The following ADM5 variants were observed in gnomAD, a reference collection of about 807,000 sequenced individuals.
ADM5 encodes the protein putative adrenomedullin-5-like protein.
A neutral mutation model predicts 2.9 loss-of-function variants in ADM5; 1 was observed. That is an observed-to-expected ratio of 0.35 (90% CI 0.12 to 1.65). The LOEUF is 1.65. Ranked by LOEUF, ADM5 falls within the 40% of genes most tolerant of loss-of-function variation. The probability of loss-of-function intolerance (pLI) is 0.36; values close to 1 mark genes in which losing one functional copy is unlikely to be tolerated. For synonymous variants in ADM5, 90 were observed against 91.1 expected, an observed-to-expected ratio of 0.99 and a Z score of 0.07; for missense variants, 192 against 205.2, an observed-to-expected ratio of 0.94 and a Z score of 0.39.
At position 49,690,214 on chromosome 19, in the gene ADM5, A is replaced by G. The variant is rs2082300245; in HGVS notation, c.183A>G (p.Gln61=). The change falls in exon 2 of 2, where the codon CAA becomes CAG. Residue 61 remains glutamine, a synonymous_variant. Transcript: ENST00000420022. This position sits in a 1 kb window ranked among gnomAD's most constrained non-coding sequence, Gnocchi z 4.4. Reference sequence around the variant, plus strand: ...TATACTGGATTCGCTGTCTCCACCAAGGAGCCCTCGGGGAAGGCCAGCCAC... The same window carrying G: ...TATACTGGATTCGCTGTCTCCACCAGGGAGCCCTCGGGGAAGGCCAGCCAC... The part of the protein sequence containing the change: ...EIIYWIRCLH[Q]GALGEGQPRA... The G allele has an allele frequency of 6.4e-7, 1 of 1,557,376 alleles. No individual in the cohort carries two copies. Among genetic ancestry groups the G allele is most frequent in the African/African-American group, 1.4e-5 (1 of 73,364 alleles).
Position 49,690,386 on chromosome 19 carries a change from G to A in ADM5, c.355G>A (p.Gly119Ser), listed in dbSNP as rs1203802675. 4 of 1,551,404 alleles carry A rather than the reference G, an allele frequency of 2.6e-6. No homozygotes were observed. In the South Asian group the frequency reaches 4.8e-5, roughly 18 times the overall value. Reference protein sequence around the residue: ...VTSGTARPLLGFSLPICMLEL... With the variant: ...VTSGTARPLLSFSLPICMLEL... ...CTCGGGCACGGCTCGTCCCCTCCTC[G>A]GCTTCAGTTTGCCTATCTGTATGTT... Residue 119 changes from glycine (G) to serine (S), a missense_variant, in exon 2 of 2, where the codon GGC becomes AGC. By Grantham distance (56) the Gly-to-Ser change is moderately conservative. Transcript: ENST00000420022. This position sits in a 1 kb window ranked among gnomAD's most constrained non-coding sequence, Gnocchi z 4.4.
At position 49,690,485 on chromosome 19, in the gene ADM5, T is replaced by C; in HGVS notation, c.454T>C (p.Cys152Arg). Reference sequence around the variant, plus strand: ...CGTCTTCCCCAGTCCCTCCCCGGGCTGCGACTAGGTTGGACCTAGAAGCAC... The same window carrying C: ...CGTCTTCCCCAGTCCCTCCCCGGGCCGCGACTAGGTTGGACCTAGAAGCAC... Reference protein sequence around the residue: ...ETVFPSPSPGCD With the variant: ...ETVFPSPSPGRD The change falls in exon 2 of 2, where the codon TGC becomes CGC. Residue 152 changes from cysteine to arginine, a missense_variant. Coordinates refer to ENST00000420022, the MANE Select transcript of ADM5 (RefSeq NM_001101340.2). This position sits in a 1 kb window ranked among gnomAD's most constrained non-coding sequence, Gnocchi z 4.4. The C allele has an allele frequency of 6.6e-7, 1 of 1,508,782 alleles. No individual in the cohort carries two copies. The highest frequency in any genetic ancestry group is 1.3e-5 in the South Asian group (1 of 78,626). 93.5% of individuals were successfully genotyped at this position (1,508,782 alleles called of 1,614,324 possible). A position where few individuals can be genotyped will look rare whatever the true frequency, so the allele number is the denominator to read the frequency against.
At chr19:49,689,956 G>A (rs1030724599) in intron 1 of ADM5, 45 bp downstream of exon 1, 3 of 1,613,290 alleles carry the variant, frequency 1.9e-6, no homozygotes, top group South Asian at 1.1e-5. Flanking sequence ...GAGGGAGACC[G>A]TAAAGGGCGA....
At position 49,689,718 on chromosome 19, in the gene ADM5, A is replaced by G; in HGVS notation, c.-120A>G. On this transcript the variant is annotated 5_prime_UTR_variant, in exon 1 of 2. Transcript: ENST00000420022. ...TGGCCTCAGTGTTCCCCGCCTGGGA[A>G]GTGGGGACTGGCCCTGGTACCTGGC... 2 of 1,255,318 alleles carry G rather than the reference A, an allele frequency of 1.6e-6. No individual in the cohort carries two copies. Among genetic ancestry groups the G allele is most frequent in the Non-Finnish European group, 2.3e-6 (2 of 870,478 alleles). The allele number at this position is 1,255,318 out of a possible 1,614,324, so 77.8% of individuals were successfully genotyped here. A position where few individuals can be genotyped will look rare whatever the true frequency, so the allele number is the denominator to read the frequency against.
At position 49,690,164 on chromosome 19, in the gene ADM5, C is replaced by T. The variant is rs1288730088; in HGVS notation, c.133C>T (p.Arg45Trp). Residue 45 changes from arginine (R) to tryptophan (W), a missense_variant, in exon 2 of 2, where the codon CGG becomes TGG. Coordinates refer to ENST00000420022, the MANE Select transcript of ADM5 (RefSeq NM_001101340.2). The surrounding 1 kb of genome is among the most constrained non-coding windows in gnomAD (Gnocchi z 4.4). The part of the protein sequence containing the change: ...RGHVCYLGVC[R>W]THRLAEIIYW... ...GCACGTCTGCTACCTGGGCGTATGC[C>T]GGACCCACCGCCTGGCGGAGATCAT... 6.4e-7 allele frequency: 1 copy of T among 1,569,426 alleles called. No homozygotes were observed. Among genetic ancestry groups the T allele is most frequent in the East Asian group, 2.4e-5 (1 of 42,034 alleles).
Position 49,689,787 on chromosome 19 carries a change from G to C in ADM5, c.-51G>C. 1 of 1,609,158 alleles carries C rather than the reference G, an allele frequency of 6.2e-7. No individual in the cohort carries two copies. The highest frequency in any genetic ancestry group is 2.2e-5 in the East Asian group (1 of 44,856). On this transcript the variant is annotated 5_prime_UTR_variant, in exon 1 of 2. Transcript: ENST00000420022. ...GGCGATCAGCCCGGTGCGGGAACGG[G>C]GCGGGGTGGCCGCAACTACGGGCCA... is the stretch of plus-strand genomic sequence containing the variant.
Position 49,690,471 on chromosome 19 carries a change from G to C in ADM5, c.440G>C (p.Ser147Thr). ...CCAGCCCCTGAAACCGTCTTCCCCA[G>C]TCCCTCCCCGGGCTGCGACTAGGTT... ...LTPAPETVFP[S>T]PSPGCD The change falls in exon 2 of 2, where the codon AGT (serine) becomes ACT (threonine). Residue 147 changes from serine to threonine, a missense_variant. Ser to Thr is a moderately conservative substitution (Grantham distance 58). Coordinates refer to ENST00000420022, the MANE Select transcript of ADM5 (RefSeq NM_001101340.2). This position sits in a 1 kb window ranked among gnomAD's most constrained non-coding sequence, Gnocchi z 4.4. 1 of 1,521,406 alleles carries C rather than the reference G, an allele frequency of 6.6e-7. No homozygotes were observed. Among genetic ancestry groups the C allele is most frequent in the South Asian group, 1.2e-5 (1 of 80,840 alleles). 94.2% of individuals were successfully genotyped at this position (1,521,406 alleles called of 1,614,324 possible).
In ADM5 at chr19:49,689,956, G is replaced by T. The variant is rs1030724599; in HGVS notation, c.74+45G>T. On this transcript the variant is annotated intron_variant, in intron 1 of 1. Transcript: ENST00000420022. The stretch of plus-strand genomic sequence containing the variant: ...GCAGGGACAGGGCGGGAGGGAGACC[G>T]TAAAGGGCGAGCGCCCTCTCCCGGC... 7.4e-6 allele frequency: 12 copies of T among 1,613,172 alleles called. No homozygotes were observed. The African/African-American group carries it at 1.2e-4, about 16-fold the overall frequency.
Position 49,690,124 on chromosome 19 carries a change from C to G in ADM5, c.93C>G (p.Val31=). 1 of 1,560,696 alleles carries G rather than the reference C, an allele frequency of 6.4e-7. No individual in the cohort carries two copies. The highest frequency in any genetic ancestry group is 1.2e-5 in the South Asian group (1 of 84,984). Residue 31 remains valine (V), a synonymous_variant, in exon 2 of 2, where the codon GTC becomes GTG. Transcript: ENST00000420022. The surrounding 1 kb of genome is among the most constrained non-coding windows in gnomAD (Gnocchi z 4.4). ...TCTCCAGGCGAGGCCAGCACCAGGTCCCCCAGCACCGCGGGCACGTCTGCT... is the reference window on the plus strand; with the variant it reads ...TCTCCAGGCGAGGCCAGCACCAGGTGCCCCAGCACCGCGGGCACGTCTGCT... The part of the protein sequence containing the change: ...DTAARRGQHQ[V]PQHRGHVCYL...
rs1294095267 is a variant in ADM5 at position 49,690,271 on chromosome 19, G to A, written c.240G>A (p.Pro80=). The A allele has an allele frequency of 6.4e-7, 1 of 1,551,562 alleles. No homozygotes were observed. The highest frequency in any genetic ancestry group is 8.7e-7 in the Non-Finnish European group (1 of 1,146,904). The change falls in exon 2 of 2, where the codon CCG becomes CCA. Residue 80 remains proline (P), a synonymous_variant. Coordinates refer to ENST00000420022, the MANE Select transcript of ADM5 (RefSeq NM_001101340.2). This position sits in a 1 kb window ranked among gnomAD's most constrained non-coding sequence, Gnocchi z 4.4. ...RAPGPLQLWA[P]PVARGGSPAR... Reference sequence around the variant, plus strand: ...CAGGACCCCTACAGCTATGGGCGCCGCCGGTGGCGCGAGGCGGAAGCCCGG... The same window carrying A: ...CAGGACCCCTACAGCTATGGGCGCCACCGGTGGCGCGAGGCGGAAGCCCGG...
rs1300321678 is a variant in ADM5, at chr19:49,689,712, C to T, written c.-126C>T. On this transcript the variant is annotated 5_prime_UTR_variant, in exon 1 of 2. Coordinates refer to ENST00000420022, the MANE Select transcript of ADM5 (RefSeq NM_001101340.2). ...GACTTTTGGCCTCAGTGTTCCCCGCCTGGGAAGTGGGGACTGGCCCTGGTA... is the reference window on the plus strand; with the variant it reads ...GACTTTTGGCCTCAGTGTTCCCCGCTTGGGAAGTGGGGACTGGCCCTGGTA... 2 of 1,227,266 alleles carry T rather than the reference C, an allele frequency of 1.6e-6. No homozygotes were observed. Among genetic ancestry groups the T allele is most frequent in the Non-Finnish European group, 2.4e-6 (2 of 849,036 alleles). 76.0% of individuals were successfully genotyped at this position (1,227,266 alleles called of 1,614,324 possible).
intron 1 of ADM5, 51 bp downstream of exon 1, chr19:49,689,962 G>C: frequency 6.2e-7 from 1 of 1,612,756 alleles, no homozygotes; most frequent in Non-Finnish European, 8.5e-7. Flanking sequence ...GACCGTAAAG[G>C]GCGAGCGCCC....
rs1347062375 is a variant in ADM5 at position 49,690,468 on chromosome 19, C to A, written c.437C>A (p.Pro146His). The change falls in exon 2 of 2, where the codon CCC (proline) becomes CAC (histidine). Residue 146 changes from proline to histidine, a missense_variant. By Grantham distance (77) the Pro-to-His change is moderately conservative. Transcript: ENST00000420022. The surrounding 1 kb of genome is among the most constrained non-coding windows in gnomAD (Gnocchi z 4.4). ...ACTCCAGCCCCTGAAACCGTCTTCCCCAGTCCCTCCCCGGGCTGCGACTAG... is the reference window on the plus strand; with the variant it reads ...ACTCCAGCCCCTGAAACCGTCTTCCACAGTCCCTCCCCGGGCTGCGACTAG... ...PLTPAPETVF[P>H]SPSPGCD The A allele has an allele frequency of 2.6e-6, 4 of 1,523,980 alleles. No individual in the cohort carries two copies. In the South Asian group the frequency reaches 3.7e-5, roughly 14 times the overall value. 94.4% of individuals were successfully genotyped at this position (1,523,980 alleles called of 1,614,324 possible). A position where few individuals can be genotyped will look rare whatever the true frequency, so the allele number is the denominator to read the frequency against.
Position 49,690,234 on chromosome 19 carries a change from AG to A in ADM5, c.204del (p.Gln68HisfsTer34). On this transcript the variant is annotated frameshift_variant, in exon 2 of 2. Transcript: ENST00000420022. LOFTEE classifies it low-confidence loss of function (END_TRUNC). This position sits in a 1 kb window ranked among gnomAD's most constrained non-coding sequence, Gnocchi z 4.4. ...CACCAAGGAGCCCTCGGGGAAGGCC[AG>A]CCACGAGCCCCAGGACCCCTACAGC... ...CLHQGALGEGQPRAPGPLQLW... is the reference protein window; with the variant it reads ...CLHQGALGEGXPRAPGPLQLW... The A allele has an allele frequency of 6.4e-7, 1 of 1,553,046 alleles. No individual in the cohort carries two copies. The highest frequency in any genetic ancestry group is 8.7e-7 in the Non-Finnish European group (1 of 1,147,904).
At chr19:49,689,990 G>C (rs1202587004) in intron 1 of ADM5, 79 bp downstream of exon 1, 7 of 1,609,768 alleles carry the variant, frequency 4.3e-6, no homozygotes, top group East Asian at 4.5e-5. Flanking sequence ...GCCGCGGAAC[G>C]GGCAGGTGAT....
Position 49,690,501 on chromosome 19 carries a change from C to A in ADM5, c.*8C>A, listed in dbSNP as rs1446924212. The A allele has an allele frequency of 1.3e-6, 2 of 1,492,526 alleles. No homozygotes were observed. The highest frequency in any genetic ancestry group is 2.2e-5 in the Admixed American group (1 of 44,914). 92.5% of individuals were successfully genotyped at this position (1,492,526 alleles called of 1,614,324 possible). On this transcript the variant is annotated 3_prime_UTR_variant, in exon 2 of 2. Coordinates refer to ENST00000420022, the MANE Select transcript of ADM5 (RefSeq NM_001101340.2). This position sits in a 1 kb window ranked among gnomAD's most constrained non-coding sequence, Gnocchi z 4.4. The stretch of plus-strand genomic sequence containing the variant: ...TCCCCGGGCTGCGACTAGGTTGGAC[C>A]TAGAAGCACACGGGACCAGGCTGGG...
chr19:49,690,512 C>G lies in ADM5; in HGVS notation c.*19C>G. On this transcript the variant is annotated 3_prime_UTR_variant, in exon 2 of 2. Transcript: ENST00000420022. The surrounding 1 kb of genome is among the most constrained non-coding windows in gnomAD (Gnocchi z 4.4). ...CGACTAGGTTGGACCTAGAAGCACA[C>G]GGGACCAGGCTGGGCGAAGAACACT... is the stretch of plus-strand genomic sequence containing the variant. 6.8e-7 allele frequency: 1 copy of G among 1,466,476 alleles called. No homozygotes were observed. Among genetic ancestry groups the G allele is most frequent in the Non-Finnish European group, 9.1e-7 (1 of 1,101,578 alleles). The allele number at this position is 1,466,476 out of a possible 1,614,324, so 90.8% of individuals were successfully genotyped here.
Position 49,690,388 on chromosome 19 carries a change from C to A in ADM5, c.357C>A (p.Gly119=), listed in dbSNP as rs765801408. 3.2e-6 allele frequency: 5 copies of A among 1,551,594 alleles called. No homozygotes were observed. The South Asian group carries it at 3.6e-5, about 11-fold the overall frequency. The change falls in exon 2 of 2, where the codon GGC becomes GGA. Residue 119 remains glycine (G), a synonymous_variant. Transcript: ENST00000420022. This position sits in a 1 kb window ranked among gnomAD's most constrained non-coding sequence, Gnocchi z 4.4. ...VTSGTARPLL[G]FSLPICMLEL... is the part of the protein sequence containing the mutation. ...CGGGCACGGCTCGTCCCCTCCTCGG[C>A]TTCAGTTTGCCTATCTGTATGTTGG...
chr19:49,689,726 C>A lies in ADM5; in HGVS notation c.-112C>A. ...GTGTTCCCCGCCTGGGAAGTGGGGA[C>A]TGGCCCTGGTACCTGGCTCCAGAGC... On this transcript the variant is annotated 5_prime_UTR_variant, in exon 1 of 2. In the 5' UTR this introduces an upstream ATG that the reference lacks. Transcript: ENST00000420022. 1 of 1,350,032 alleles carries A rather than the reference C, an allele frequency of 7.4e-7. No homozygotes were observed. The highest frequency in any genetic ancestry group is 2.3e-5 in the East Asian group (1 of 43,476). 83.6% of individuals were successfully genotyped at this position (1,350,032 alleles called of 1,614,324 possible).
Sources: gnomAD v4.1 joint callset for allele counts on GRCh38, gnomAD v4.1.1 for gene constraint, Gnocchi (gnomAD v3.1) non-coding constraint, MANE v1.5 for transcripts, NCBI Gene and HGNC (gene_info 2026-07-23, HGNC 2026-07-21) for gene names.